Variants in CCDC192 observed in about 807,000 individuals in gnomAD.
CCDC192 encodes the protein coiled-coil domain-containing protein 192.
intron 2 of CCDC192, among the ~76,000 whole-genome samples, chr5:127,713,909 G>A (rs1751474800): frequency 6.6e-6 from 1 of 152,142 alleles, no homozygotes; most frequent in Non-Finnish European, 1.5e-5. Flanking sequence ...ATTGTTAACT[G>A]TAGTTACTCT....
intron 6 of CCDC192, among the ~76,000 whole-genome samples, chr5:127,929,136 C>A (rs753174061): frequency 6.6e-6 from 1 of 152,188 alleles, no homozygotes; most frequent in Non-Finnish European, 1.5e-5. Context: ...ATGTGATGAT[C>A]CCACTTGGCT....
chr5:127,898,114 T>G lies in CCDC192; in HGVS notation c.535+22453T>G, dbSNP rs941114017. Among the ~76,000 whole-genome samples the G allele has an allele frequency of 1.2e-4, 18 of 150,498 alleles. 1 individual carries two copies. The South Asian group carries it at 3.4e-3, about 28-fold the overall frequency. On this transcript the variant is annotated intron_variant, in intron 6 of 6. Coordinates refer to ENST00000514853, the MANE Select transcript of CCDC192 (RefSeq NM_001317938.2). ...GAAAGAGACCTTAATATGGTCCAGT[T>G]TTTTTTTTTTTGAGACGGAGTTTTA... is the stretch of plus-strand genomic sequence containing the variant.
intron 6 of CCDC192, among the ~76,000 whole-genome samples, chr5:127,938,001 T>C (rs888684252): frequency 7.3e-5 from 11 of 150,776 alleles, no homozygotes; most frequent in African/African-American, 2.7e-4. Context: ...TGCACCCCCC[T>C]CCACCCCTGC....
intron 2 of CCDC192, among the ~76,000 whole-genome samples, chr5:127,738,352 C>T (rs1402487142): frequency 8.0e-6 from 1 of 125,336 alleles, no homozygotes; most frequent in African/African-American, 3.2e-5. Flanking sequence ...TTCTCTCTGG[C>T]TGCCCTTAAC....
rs370311007 is a variant in CCDC192, at chr5:127,763,090, G to C, written c.222+8715G>C. On this transcript the variant is annotated intron_variant, in intron 3 of 6. Coordinates refer to ENST00000514853, the MANE Select transcript of CCDC192 (RefSeq NM_001317938.2). ...GACTCTCCTTGGTGATCTGACTTTA[G>C]CATACACAATCTGCTGAAAAGCCTT... is the stretch of plus-strand genomic sequence containing the variant. Among the ~76,000 whole-genome samples, 58 of 150,330 alleles carry C rather than the reference G, an allele frequency of 3.9e-4. 2 individuals are homozygous for C. The East Asian group carries it at 0.011, about 28-fold the overall frequency.
chr5:127,742,111 A>G (rs1054171297), intron 2 of CCDC192, among the ~76,000 whole-genome samples: 1 of 152,216 alleles, frequency 6.6e-6, no homozygotes, highest in Non-Finnish European at 1.5e-5. Flanking sequence ...TGCCTAGTAT[A>G]GTGCCTGGCA....
At chr5:127,703,198 T>C (rs553092894), upstream of CCDC192, among the ~76,000 whole-genome samples, 1 of 152,362 alleles carries the variant, frequency 6.6e-6, no homozygotes, top group Admixed American at 6.5e-5. Flanking sequence ...TTTCCAGAAA[T>C]GATGGCTATG....
intron 5 of CCDC192, among the ~76,000 whole-genome samples, chr5:127,849,472 AG>A (rs906979602): frequency 3.3e-5 from 5 of 152,142 alleles, no homozygotes; most frequent in African/African-American, 1.2e-4. Context: ...AGATAGCCTC[AG>A]GAATTCCAGA....
intron 5 of CCDC192, among the ~76,000 whole-genome samples, chr5:127,816,054 A>G (rs1388777536): frequency 6.6e-6 from 1 of 152,166 alleles, no homozygotes; most frequent in Non-Finnish European, 1.5e-5. Context: ...TAGACAATGT[A>G]CTTTAAAGAA....
chr5:127,883,090 C>G (rs1392998199), intron 6 of CCDC192, among the ~76,000 whole-genome samples: 4 of 152,218 alleles, frequency 2.6e-5, no homozygotes, highest in African/African-American at 9.6e-5. Context: ...CTTTATGGAG[C>G]TCAGGTTGAT....
chr5:127,917,313 T>G (rs1753550919), intron 6 of CCDC192, among the ~76,000 whole-genome samples: 1 of 152,220 alleles, frequency 6.6e-6, no homozygotes. Flanking sequence ...GCAATAAGGC[T>G]GTTTTCTTTT....
chr5:127,716,036 G>T (rs941046036), intron 2 of CCDC192, among the ~76,000 whole-genome samples: 2 of 152,078 alleles, frequency 1.3e-5, no homozygotes, highest in Admixed American at 1.3e-4. Flanking sequence ...GTCATATATG[G>T]TCTTTATTGT....
chr5:127,927,065 G>C (rs1753882421), intron 6 of CCDC192, among the ~76,000 whole-genome samples: 1 of 152,164 alleles, frequency 6.6e-6, no homozygotes, highest in African/African-American at 2.4e-5. Context: ...GTAAGACCAA[G>C]TTTAGTAAGG....
intron 2 of CCDC192, among the ~76,000 whole-genome samples, chr5:127,743,156 C>T (rs935801054): frequency 3.9e-5 from 6 of 151,940 alleles, no homozygotes; most frequent in African/African-American, 1.2e-4. Flanking sequence ...GTTCATTTCC[C>T]CTCCCCGCTT....
chr5:127,936,801 G>A (rs1036445826), intron 6 of CCDC192, among the ~76,000 whole-genome samples: 6 of 152,180 alleles, frequency 3.9e-5, no homozygotes, highest in Non-Finnish European at 8.8e-5. Context: ...CCAGGCTTCC[G>A]GGAGACCCGC....
chr5:127,807,029 C>G (rs1266815986), intron 5 of CCDC192, among the ~76,000 whole-genome samples: 1 of 152,192 alleles, frequency 6.6e-6, no homozygotes, highest in African/African-American at 2.4e-5. Context: ...AAAGGTTACT[C>G]TACTTCTGTT....
Position 127,731,653 on chromosome 5 carries a change from C to T in CCDC192, c.115-22615C>T, listed in dbSNP as rs369853678. 3.9e-5 allele frequency among the ~76,000 whole-genome samples: 6 copies of T among 152,006 alleles called. No individual in the cohort carries two copies. The South Asian group carries it at 1.0e-3, about 26-fold the overall frequency. On this transcript the variant is annotated intron_variant, in intron 2 of 6. Coordinates refer to ENST00000514853, the MANE Select transcript of CCDC192 (RefSeq NM_001317938.2). ...ACAGTAACCAAAACAGCATTGTACT[C>T]GTACAAAAACAGATACATAGACCAA...
chr5:127,720,288 G>T (rs150759850), intron 2 of CCDC192, among the ~76,000 whole-genome samples: 256 of 152,250 alleles, frequency 1.7e-3, no homozygotes, highest in African/African-American at 5.2e-3. Flanking sequence ...GGGGCTAAAG[G>T]CCCCATGCAA....
chr5:127,798,734 T>C (rs1237159412), intron 5 of CCDC192, among the ~76,000 whole-genome samples: 1 of 150,072 alleles, frequency 6.7e-6, no homozygotes, highest in East Asian at 1.9e-4. Flanking sequence ...CATATATATA[T>C]TACATATATT....
Sources: gnomAD v4.1 joint callset for allele counts (sites outside exome capture counted in the v4.1 genomes callset) on GRCh38, gnomAD v4.1.1 for gene constraint, MANE v1.5 for transcripts, NCBI Gene and HGNC (gene_info 2026-07-23, HGNC 2026-07-21) for gene names.